Variants in ZBTB16 observed in about 807,000 individuals in gnomAD.
The protein encoded by ZBTB16 is zinc finger and BTB domain containing 16.
In ZBTB16, 8 loss-of-function variants were observed where a neutral mutation model predicts 56.8. The observed-to-expected ratio is 0.14, with a 90% confidence interval of 0.08 to 0.25. ZBTB16 has a LOEUF of 0.25. Ranked by LOEUF, ZBTB16 falls within the 10% of genes least tolerant of loss-of-function variation. The pLI is 1.00. For missense variants in ZBTB16, 625 were observed against 903.0 expected (o/e 0.69, Z 3.95); for synonymous variants, 363 against 368.5 (o/e 0.98, Z 0.17).
At chr11:114,095,962 A>G (rs974284117) in intron 2 of ZBTB16, among the ~76,000 whole-genome samples, 12 of 152,238 alleles carry the variant, frequency 7.9e-5, no homozygotes, top group Non-Finnish European at 1.5e-4. Flanking sequence ...GTAGGCTATA[A>G]TTAGTGTCCT....
intron 2 of ZBTB16, among the ~76,000 whole-genome samples, chr11:114,087,158 G>A (rs2606724): frequency 0.36 from 54,062 of 152,012 alleles, 10,656 homozygotes; most frequent in East Asian, 0.48. Context: ...CTCTTCTCAC[G>A]GGAAAGATGG....
At chr11:114,164,878 C>A (rs1357214320) in intron 3 of ZBTB16, among the ~76,000 whole-genome samples, 1 of 152,052 alleles carries the variant, frequency 6.6e-6, no homozygotes, top group African/African-American at 2.4e-5. Flanking sequence ...CTATTTCTCC[C>A]CAATCTGCTT....
chr11:114,098,175 G>T (rs1473092498), intron 2 of ZBTB16, among the ~76,000 whole-genome samples: 1 of 152,148 alleles, frequency 6.6e-6, no homozygotes, highest in Non-Finnish European at 1.5e-5. Context: ...AATTCAAAGT[G>T]AAAATCTATG....
At chr11:114,138,087 G>A (rs1941843948) in intron 2 of ZBTB16, among the ~76,000 whole-genome samples, 2 of 152,168 alleles carry the variant, frequency 1.3e-5, no homozygotes, top group Admixed American at 6.5e-5. Flanking sequence ...CAGCGGCCAG[G>A]CTCTGTTCCC....
intron 4 of ZBTB16, among the ~76,000 whole-genome samples, chr11:114,230,087 A>G (rs746463702): frequency 9.2e-5 from 14 of 152,138 alleles, no homozygotes; most frequent in African/African-American, 1.4e-4. Flanking sequence ...AGGTTGGGGC[A>G]GTGGGTGTGT....
At chr11:114,146,671 C>T (rs977338162) in intron 2 of ZBTB16, among the ~76,000 whole-genome samples, 10 of 151,726 alleles carry the variant, frequency 6.6e-5, no homozygotes, top group African/African-American at 2.2e-4. Context: ...TGCGGTGAAA[C>T]CCCCGCTCTA....
At chr11:114,190,578 G>A (rs905791793) in intron 4 of ZBTB16, among the ~76,000 whole-genome samples, 3 of 152,062 alleles carry the variant, frequency 2.0e-5, no homozygotes, top group African/African-American at 7.2e-5. Context: ...CTGTGTATTA[G>A]TTGAACTGTA....
intron 2 of ZBTB16, among the ~76,000 whole-genome samples, chr11:114,148,998 A>G (rs1942217421): frequency 1.3e-5 from 2 of 152,106 alleles, no homozygotes; most frequent in South Asian, 4.1e-4. Flanking sequence ...CAGTCAACAA[A>G]AATGAGCCCC....
chr11:114,230,653 G>C (rs1944425950), intron 4 of ZBTB16, among the ~76,000 whole-genome samples: 1 of 148,064 alleles, frequency 6.8e-6, no homozygotes, highest in Non-Finnish European at 1.5e-5. Flanking sequence ...GGGAAGGAGA[G>C]GAGCCATTAA....
intron 2 of ZBTB16, among the ~76,000 whole-genome samples, chr11:114,125,869 C>T (rs1020617797): frequency 6.6e-6 from 1 of 152,198 alleles, no homozygotes; most frequent in Non-Finnish European, 1.5e-5. Context: ...CATCTCTTTT[C>T]ACATGAAGAG....
intron 3 of ZBTB16, among the ~76,000 whole-genome samples, chr11:114,184,470 A>G (rs1943319660): frequency 6.6e-6 from 1 of 152,272 alleles, no homozygotes; most frequent in Non-Finnish European, 1.5e-5. Flanking sequence ...ATGGGAGCTC[A>G]GACCCCACCC....
chr11:114,254,553 C>A lies in ZBTB16; in HGVS notation c.*3998C>A, dbSNP rs565084296. 3.3e-5 allele frequency among the ~76,000 whole-genome samples: 5 copies of A among 152,134 alleles called. No homozygotes were observed. Among genetic ancestry groups the A allele is most frequent in the African/African-American group, 9.7e-5 (4 of 41,408 alleles). ...GGCAGCCTTTCGACTCTGTCCATGA[C>A]GGCTGGCAGGGTCAGGGTAGTTTCT... On this transcript the variant is annotated 3_prime_UTR_variant, in exon 7 of 7. Coordinates refer to ENST00000335953, the MANE Select transcript of ZBTB16 (RefSeq NM_006006.6).
intron 4 of ZBTB16, among the ~76,000 whole-genome samples, chr11:114,193,303 G>A (rs754327711): frequency 3.3e-5 from 5 of 152,176 alleles, no homozygotes; most frequent in Admixed American, 6.5e-5. Context: ...TCCAAATTAG[G>A]GGTGAGAGAC....
rs2137640542 is a variant in ZBTB16, at chr11:114,059,881, C to T, written c.-92C>T. The T allele has an allele frequency of 5.0e-6, 2 of 397,378 alleles. No individual in the cohort carries two copies. Among genetic ancestry groups the T allele is most frequent in the East Asian group, 3.6e-5 (1 of 27,942 alleles). 24.6% of individuals were successfully genotyped at this position (397,378 alleles called of 1,614,324 possible). ...CACCCCACAGTGCCCGGCTCGGCTGCGGTGAGTGAGGGGCCGGGAAGAGGC... is the reference window on the plus strand; with the variant it reads ...CACCCCACAGTGCCCGGCTCGGCTGTGGTGAGTGAGGGGCCGGGAAGAGGC... On this transcript the variant is annotated splice_region_variant and 5_prime_UTR_variant, in exon 1 of 7. Transcript: ENST00000335953. This position sits in a 1 kb window ranked among gnomAD's most constrained non-coding sequence, Gnocchi z 5.3.
chr11:114,218,300 T>G (rs563043280), intron 4 of ZBTB16, among the ~76,000 whole-genome samples: 4 of 152,314 alleles, frequency 2.6e-5, no homozygotes, highest in African/African-American at 9.6e-5. Context: ...TCATGCTTGG[T>G]TCTGTCGCAT....
At chr11:114,203,412 C>T (rs1441338163) in intron 4 of ZBTB16, among the ~76,000 whole-genome samples, 3 of 151,782 alleles carry the variant, frequency 2.0e-5, no homozygotes, top group Non-Finnish European at 2.9e-5. Flanking sequence ...CATTAAAAAC[C>T]AATAAAAGGG....
chr11:114,193,695 G>A (rs1943549069), intron 4 of ZBTB16, among the ~76,000 whole-genome samples: 1 of 152,162 alleles, frequency 6.6e-6, no homozygotes, highest in South Asian at 2.1e-4. Context: ...TGTCACTAAA[G>A]CTATTGGAGT....
chr11:114,158,513 C>T (rs1035218165), intron 3 of ZBTB16, among the ~76,000 whole-genome samples: 1 of 152,186 alleles, frequency 6.6e-6, no homozygotes, highest in Non-Finnish European at 1.5e-5. Flanking sequence ...CGTGCCTTTT[C>T]TGTGCCCATG....
chr11:114,193,985 C>T (rs763677558), intron 4 of ZBTB16, among the ~76,000 whole-genome samples: 4 of 152,244 alleles, frequency 2.6e-5, no homozygotes, highest in Non-Finnish European at 5.9e-5. Context: ...CCCTGGCTGC[C>T]TCCGCACTGA....
Sources: allele counts gnomAD v4.1 joint callset (sites outside exome capture counted in the v4.1 genomes callset), GRCh38; gene constraint gnomAD v4.1.1; non-coding constraint Gnocchi (gnomAD v3.1); transcripts MANE v1.5; gene names NCBI Gene and HGNC (gene_info 2026-07-23, HGNC 2026-07-21).